BMPR1B: variants seen among roughly 807,000 people sequenced by gnomAD.
BMPR1B encodes bone morphogenetic protein receptor type-1B.
A neutral mutation model predicts 59.1 loss-of-function variants in BMPR1B; 12 were observed. The observed-to-expected ratio is 0.20, with a 90% confidence interval of 0.13 to 0.33. The LOEUF is 0.33. Ranked by LOEUF, BMPR1B falls within the 10% of genes least tolerant of loss-of-function variation. BMPR1B has a pLI of 1.00. For missense variants in BMPR1B, 550 were observed against 610.9 expected (o/e 0.90, Z 1.05); for synonymous variants, 237 against 207.3 (o/e 1.14, Z -1.23).
At chr4:94,765,309 T>C (rs373892566) in intron 1 of BMPR1B, among the ~76,000 whole-genome samples, 10 of 152,218 alleles carry the variant, frequency 6.6e-5, no homozygotes, top group African/African-American at 2.2e-4. Context: ...ATCATCTGTA[T>C]CATTTTGTGA....
intron 2 of BMPR1B, among the ~76,000 whole-genome samples, chr4:94,916,470 C>G (rs956634669): frequency 6.6e-6 from 1 of 152,156 alleles, no homozygotes; most frequent in Non-Finnish European, 1.5e-5. Context: ...TGGCTGCATT[C>G]TATTCATGCC....
chr4:94,992,411 T>A (rs1286127148), intron 2 of BMPR1B, among the ~76,000 whole-genome samples: 2 of 152,234 alleles, frequency 1.3e-5, no homozygotes, highest in Admixed American at 6.5e-5. Context: ...CTTTATGTGG[T>A]ACTGTAGTCC....
rs559134870 is a variant in BMPR1B at position 95,089,545 on chromosome 4, A to G, written c.-17-14863A>G. 5.9e-5 allele frequency among the ~76,000 whole-genome samples: 9 copies of G among 152,308 alleles called. No individual in the cohort carries two copies. The South Asian group carries it at 6.2e-4, about 11-fold the overall frequency. ...ACTGAGGTATACTGGGTGTTATACA[A>G]TTTAAAAAATAAGAATATAAAAGTG... On this transcript the variant is annotated intron_variant, in intron 3 of 12. Coordinates refer to ENST00000515059, the MANE Select transcript of BMPR1B (RefSeq NM_001203.3).
chr4:95,148,714 A>T (rs371289493), intron 10 of BMPR1B, 34 bp from the exon 11 acceptor site: 1 of 1,603,884 alleles, frequency 6.2e-7, no homozygotes, highest in African/African-American at 1.3e-5. Context: ...GGTCCTCTTC[A>T]ATGCTGTAAT....
intron 1 of BMPR1B, among the ~76,000 whole-genome samples, chr4:94,826,502 G>C (rs1202724329): frequency 6.6e-6 from 1 of 151,864 alleles, no homozygotes; most frequent in Non-Finnish European, 1.5e-5. Flanking sequence ...AGGAGAATTT[G>C]TTCTTGCAGA....
At chr4:94,802,727 A>G (rs970032345) in intron 1 of BMPR1B, among the ~76,000 whole-genome samples, 1 of 152,154 alleles carries the variant, frequency 6.6e-6, no homozygotes, top group Non-Finnish European at 1.5e-5. Flanking sequence ...ATTGATCTGG[A>G]CTTTCTAATA....
At chr4:94,985,672 G>C (rs945616814) in intron 2 of BMPR1B, among the ~76,000 whole-genome samples, 7 of 151,948 alleles carry the variant, frequency 4.6e-5, no homozygotes, top group Non-Finnish European at 1.0e-4. Flanking sequence ...TGTTCCTGTG[G>C]TGTTACTGAA....
At chr4:94,890,557 C>T (rs201347303) in intron 2 of BMPR1B, among the ~76,000 whole-genome samples, 1 of 152,078 alleles carries the variant, frequency 6.6e-6, no homozygotes, top group East Asian at 1.9e-4. Flanking sequence ...TTGTACTAGT[C>T]TTCTTGGGCT....
At chr4:94,849,793 G>GGTGTGTGTGTGTGT (rs1553912364) in intron 1 of BMPR1B, among the ~76,000 whole-genome samples, 2 of 26,890 alleles carry the variant, frequency 7.4e-5, no homozygotes, top group African/African-American at 6.9e-4. Flanking sequence ...GGGGTTTTTT[G>GGTGTGTGTGTGTGT]GTGTGTGTGT....
At chr4:95,059,861 C>T (rs889131481) in intron 3 of BMPR1B, among the ~76,000 whole-genome samples, 11 of 152,116 alleles carry the variant, frequency 7.2e-5, no homozygotes, top group Non-Finnish European at 1.6e-4. Flanking sequence ...AATGTGTTTT[C>T]CTTGTGGCAG....
At chr4:94,799,368 A>G (rs1306155064) in intron 1 of BMPR1B, among the ~76,000 whole-genome samples, 5 of 151,120 alleles carry the variant, frequency 3.3e-5, no homozygotes, top group Admixed American at 6.6e-5. Flanking sequence ...CAGTGGCGCA[A>G]TCTCGGCTCA....
chr4:94,957,346 T>G (rs946864751), intron 2 of BMPR1B, among the ~76,000 whole-genome samples: 1 of 149,524 alleles, frequency 6.7e-6, no homozygotes, highest in East Asian at 1.9e-4. Context: ...TTTTTTTTTT[T>G]TTTTTTTTTT....
At chr4:95,026,098 A>ATTTC (rs70946580) in intron 3 of BMPR1B, among the ~76,000 whole-genome samples, 5,650 of 101,370 alleles carry the variant, frequency 0.056, 218 homozygotes, top group African/African-American at 0.077. Context: ...GCTTTCTTTC[A>ATTTC]TTTCTTTCTT....
chr4:95,157,235 T>C lies in BMPR1B; in HGVS notation c.*2562T>C, dbSNP rs1410200266. The C allele has an allele frequency of 6.6e-6, 1 of 152,126 alleles. No homozygotes were observed. Among genetic ancestry groups the C allele is most frequent in the Non-Finnish European group, 1.5e-5 (1 of 67,998 alleles). 9.4% of individuals were successfully genotyped at this position (152,126 alleles called of 1,614,324 possible). A position where few individuals can be genotyped will look rare whatever the true frequency, so the allele number is the denominator to read the frequency against. On this transcript the variant is annotated 3_prime_UTR_variant, in exon 13 of 13. Coordinates refer to ENST00000515059, the MANE Select transcript of BMPR1B (RefSeq NM_001203.3). ...TAATATTTTAAAAACATTCCTGAGA[T>C]ACTTAAAAAGACCCACTTAGCGATT...
At chr4:94,919,381 C>T (rs964140596) in intron 2 of BMPR1B, among the ~76,000 whole-genome samples, 5 of 152,078 alleles carry the variant, frequency 3.3e-5, no homozygotes, top group African/African-American at 9.7e-5. Context: ...AATTATAATC[C>T]AACATGGATG....
intron 8 of BMPR1B, among the ~76,000 whole-genome samples, chr4:95,128,176 G>A (rs1185064574): frequency 6.6e-6 from 1 of 152,076 alleles, no homozygotes; most frequent in East Asian, 1.9e-4. Context: ...ATGAGCCACC[G>A]TGCCCAGACC....
At chr4:94,815,324 T>G (rs1018125872) in intron 1 of BMPR1B, among the ~76,000 whole-genome samples, 1 of 152,226 alleles carries the variant, frequency 6.6e-6, no homozygotes, top group Non-Finnish European at 1.5e-5. Context: ...AATTTTTTGG[T>G]CATATCCTTG....
intron 3 of BMPR1B, among the ~76,000 whole-genome samples, chr4:95,003,170 T>C (rs1212302212): frequency 6.6e-6 from 1 of 152,148 alleles, no homozygotes; most frequent in Non-Finnish European, 1.5e-5. Context: ...ACTTAGAAAG[T>C]CTTTTTAAAA....
chr4:94,879,466 G>T (rs1181654611), intron 2 of BMPR1B, among the ~76,000 whole-genome samples: 1 of 152,114 alleles, frequency 6.6e-6, no homozygotes, highest in Admixed American at 6.5e-5. Flanking sequence ...AGCCAGGTGT[G>T]CTGGGGTGTG....
Sources: allele counts gnomAD v4.1 joint callset (sites outside exome capture counted in the v4.1 genomes callset), GRCh38; gene constraint gnomAD v4.1.1; transcripts MANE v1.5; gene names NCBI Gene and HGNC (gene_info 2026-07-23, HGNC 2026-07-21).